EPS15: variants seen among roughly 807,000 people sequenced by gnomAD.
The protein encoded by EPS15 is epidermal growth factor receptor substrate 15.
A neutral mutation model predicts 113.8 loss-of-function variants in EPS15; 72 were observed. That is an observed-to-expected ratio of 0.63 (90% confidence interval 0.52 to 0.77). EPS15 has a LOEUF of 0.77. Ranked by LOEUF, EPS15 falls within the 30% of genes least tolerant of loss-of-function variation. The probability of loss-of-function intolerance (pLI) is 0.00; values close to 1 mark genes in which losing one functional copy is unlikely to be tolerated. For synonymous variants in EPS15, 344 were observed against 363.4 expected, an observed-to-expected ratio of 0.95 and a Z score of 0.61; for missense variants, 1,048 against 1,045.8, an observed-to-expected ratio of 1.00 and a Z score of -0.03.
chr1:51,515,388 C>A (rs2148571689), intron 1 of EPS15, among the ~76,000 whole-genome samples: 1 of 151,980 alleles, frequency 6.6e-6, no homozygotes, highest in Non-Finnish European at 1.5e-5. Context: ...TGGGAGGATC[C>A]CTTGAGCCCA....
chr1:51,440,009 AC>A (rs1217454837), intron 12 of EPS15, among the ~76,000 whole-genome samples: 1 of 152,094 alleles, frequency 6.6e-6, no homozygotes, highest in Non-Finnish European at 1.5e-5. Context: ...TCTAGGATAT[AC>A]GTTTTTTCGC....
chr1:51,476,864 T>G (rs550373251), intron 2 of EPS15, among the ~76,000 whole-genome samples: 32 of 152,368 alleles, frequency 2.1e-4, no homozygotes, highest in Admixed American at 2.6e-4. Flanking sequence ...GCCAGTATTT[T>G]ATTGAGGATT....
chr1:51,481,420 A>G (rs1399489288), intron 1 of EPS15, 106 bp from the exon 2 acceptor site: 3 of 664,264 alleles, frequency 4.5e-6, no homozygotes, highest in Non-Finnish European at 8.2e-6. Context: ...AATAAGATAA[A>G]ATATCCTTGA....
rs778537952 is a variant in EPS15, at chr1:51,463,716, G to A, written c.458C>T (p.Pro153Leu). Residue 153 changes from proline to leucine, a missense_variant, in exon 7 of 25, where the codon CCA (proline) becomes CTA (leucine). Pro to Leu is a moderately conservative substitution (Grantham distance 98). Transcript: ENST00000371733. The stretch of plus-strand genomic sequence containing the variant: ...AGGTAACTTAGAGTTGAGCAACACT[G>A]GTTTCACTTTATCACCAGACAGAAA... ...NGFLSGDKVKPVLLNSKLPVD... is the reference protein window; with the variant it reads ...NGFLSGDKVKLVLLNSKLPVD... The A allele has an allele frequency of 3.8e-6, 6 of 1,599,792 alleles. No individual in the cohort carries two copies. The Admixed American group carries it at 8.3e-5, about 22-fold the overall frequency.
intron 3 of EPS15, among the ~76,000 whole-genome samples, chr1:51,472,008 A>ATT (rs57128370): frequency 0.022 from 3,210 of 145,246 alleles, 29 homozygotes; most frequent in Middle Eastern, 0.032. Context: ...TTCTTTTATG[A>ATT]TTTTTTTTTT....
rs1414047974 is a variant in EPS15, at chr1:51,430,175, C to T, written c.1041-8317G>A. On this transcript the variant is annotated intron_variant, in intron 12 of 24. Coordinates refer to ENST00000371733, the MANE Select transcript of EPS15 (RefSeq NM_001981.3). ...TGCTTATCTTAGGAACTGTCAGAAG[C>T]CTTGAGCTAGATTACAGTAATAACT... 3.9e-5 allele frequency among the ~76,000 whole-genome samples: 6 copies of T among 152,084 alleles called. No individual in the cohort carries two copies. The East Asian group carries it at 1.2e-3, about 29-fold the overall frequency.
intron 8 of EPS15, among the ~76,000 whole-genome samples, chr1:51,456,406 G>A (rs72696149): frequency 0.03 from 4,562 of 152,004 alleles, 74 homozygotes; most frequent in African/African-American, 0.05. Flanking sequence ...AAGGGGAAAT[G>A]GGCAAGAATT....
At chr1:51,470,852 C>A (rs999172919) in intron 4 of EPS15, among the ~76,000 whole-genome samples, 14 of 152,178 alleles carry the variant, frequency 9.2e-5, no homozygotes, top group African/African-American at 3.4e-4. Context: ...ATTTCTAAAG[C>A]CTGGCTCATC....
chr1:51,401,889 A>G (rs147238231), intron 18 of EPS15, among the ~76,000 whole-genome samples: 6,505 of 152,296 alleles, frequency 0.043, 211 homozygotes, highest in Middle Eastern at 0.11. Flanking sequence ...CTGTAATCCC[A>G]GCACTTTGGG....
In EPS15 at chr1:51,447,121, A is replaced by C. The variant is rs760208457; in HGVS notation, c.652-16T>G. The C allele has an allele frequency of 1.6e-5, 25 of 1,580,530 alleles. No homozygotes were observed. Among genetic ancestry groups the C allele is most frequent in the African/African-American group, 2.7e-5 (2 of 72,864 alleles). On this transcript the variant is annotated splice_polypyrimidine_tract_variant and intron_variant, in intron 9 of 24. Transcript: ENST00000371733. ...ATACAACCCACTACAGGGAGGAAAAAAAACAGTATTTCTGCCAAAATGAAA... is the reference window on the plus strand; with the variant it reads ...ATACAACCCACTACAGGGAGGAAAACAAACAGTATTTCTGCCAAAATGAAA...
chr1:51,518,458 G>A (rs1374518316), intron 1 of EPS15: 2 of 152,716 alleles, frequency 1.3e-5, no homozygotes, highest in Non-Finnish European at 2.9e-5. Flanking sequence ...TGAGCCCCCC[G>A]AGGGGAAGTT....
intron 12 of EPS15, 31 bp downstream of exon 12, chr1:51,440,316 T>C: frequency 1.2e-6 from 1 of 861,276 alleles, no homozygotes; most frequent in Non-Finnish European, 1.9e-6. Context: ...TGTGTGTGTA[T>C]GTGAGTAGGC....
intron 21 of EPS15, among the ~76,000 whole-genome samples, chr1:51,390,957 T>C (rs1647290925): frequency 6.6e-6 from 1 of 152,178 alleles, no homozygotes; most frequent in Non-Finnish European, 1.5e-5. Context: ...AGCCATCCCA[T>C]TACTGGGTAT....
intron 1 of EPS15, among the ~76,000 whole-genome samples, chr1:51,492,960 G>A (rs1200381033): frequency 2.0e-5 from 3 of 152,176 alleles, no homozygotes; most frequent in Non-Finnish European, 4.4e-5. Context: ...GGGCGCGGTG[G>A]CTCACGCCTG....
At chr1:51,389,185 A>G (rs1386428935) in intron 21 of EPS15, among the ~76,000 whole-genome samples, 4 of 152,220 alleles carry the variant, frequency 2.6e-5, no homozygotes. Context: ...AATAAATGTA[A>G]TCCAGCATAT....
chr1:51,466,528 C>G (rs1385852902), intron 5 of EPS15, among the ~76,000 whole-genome samples: 2 of 151,454 alleles, frequency 1.3e-5, no homozygotes, highest in Non-Finnish European at 2.9e-5. Flanking sequence ...GAGGCTAAGG[C>G]AGGAGAATCA....
chr1:51,363,730 G>T, intron 23 of EPS15, 136 bp downstream of exon 23: 1 of 669,368 alleles, frequency 1.5e-6, no homozygotes, highest in Non-Finnish European at 2.4e-6. Context: ...AGGTCAGAAT[G>T]AATGACAGCA....
At chr1:51,435,687 G>A (rs1178673051) in intron 12 of EPS15, among the ~76,000 whole-genome samples, 1 of 152,160 alleles carries the variant, frequency 6.6e-6, no homozygotes, top group African/African-American at 2.4e-5. Flanking sequence ...TAAGTAATGT[G>A]TGTGTTAATT....
At chr1:51,430,210 T>C (rs1651594961) in intron 12 of EPS15, among the ~76,000 whole-genome samples, 2 of 152,190 alleles carry the variant, frequency 1.3e-5, no homozygotes, top group East Asian at 3.8e-4. Flanking sequence ...TATAGAAAGC[T>C]GATGAGAAAG....
Sources: allele counts gnomAD v4.1 joint callset (sites outside exome capture counted in the v4.1 genomes callset), GRCh38; gene constraint gnomAD v4.1.1; transcripts MANE v1.5; gene names NCBI Gene and HGNC (gene_info 2026-07-23, HGNC 2026-07-21).